The following NREP variants were observed in gnomAD, a reference collection of about 807,000 sequenced individuals.
NREP encodes the protein neuronal regeneration-related protein.
NREP carries 5 observed loss-of-function variants against 8.6 expected under a neutral mutation model. That is an observed-to-expected ratio of 0.58 (90% confidence interval 0.30 to 1.22). NREP has a LOEUF of 1.22. Ranked by LOEUF, NREP falls within the 50% of genes most tolerant of loss-of-function variation. The probability of loss-of-function intolerance (pLI) is 0.07; values close to 1 mark genes in which losing one functional copy is unlikely to be tolerated. For missense variants in NREP, 86 were observed against 82.5 expected (o/e 1.04, Z -0.17); for synonymous variants, 27 against 28.0 (o/e 0.96, Z 0.11).
intron 2 of NREP, among the ~76,000 whole-genome samples, chr5:111,873,306 C>T (rs532334288): frequency 6.6e-6 from 1 of 152,182 alleles, no homozygotes; most frequent in South Asian, 2.1e-4. Context: ...TAATAAATTA[C>T]CATAAACTTA....
intron 2 of NREP, among the ~76,000 whole-genome samples, chr5:111,918,140 C>A (rs1479423107): frequency 6.6e-6 from 1 of 152,094 alleles, no homozygotes; most frequent in Non-Finnish European, 1.5e-5. Context: ...CCTAGGAATA[C>A]AACTTACAAG....
intron 2 of NREP, among the ~76,000 whole-genome samples, chr5:111,882,554 GA>G (rs905079993): frequency 1.6e-4 from 24 of 152,070 alleles, no homozygotes; most frequent in African/African-American, 5.8e-4. Flanking sequence ...TGAAATGAAG[GA>G]AAAAATGTTA....
chr5:111,761,645 C>T (rs981997791), upstream of NREP, among the ~76,000 whole-genome samples: 1 of 152,206 alleles, frequency 6.6e-6, no homozygotes, highest in Non-Finnish European at 1.5e-5. Context: ...TTGTTGATCG[C>T]ATATGTAACA....
At chr5:111,965,357 C>T (rs1756614402) in intron 2 of NREP, among the ~76,000 whole-genome samples, 1 of 152,034 alleles carries the variant, frequency 6.6e-6, no homozygotes, top group South Asian at 2.1e-4. Context: ...GAAGAGAGGC[C>T]CCTTCCCTGA....
At chr5:111,891,420 T>A (rs1708583881) in intron 2 of NREP, among the ~76,000 whole-genome samples, 1 of 152,226 alleles carries the variant, frequency 6.6e-6, no homozygotes, top group Admixed American at 6.5e-5. Context: ...TCTGCCTGTC[T>A]TCTTCTGAGT....
At chr5:111,817,351 A>G (rs1335148516) in intron 2 of NREP, among the ~76,000 whole-genome samples, 2 of 152,196 alleles carry the variant, frequency 1.3e-5, no homozygotes, top group Non-Finnish European at 2.9e-5. Flanking sequence ...CTCATTCTCA[A>G]TACCAGTGGG....
intron 2 of NREP, among the ~76,000 whole-genome samples, chr5:111,778,875 T>C (rs1248001079): frequency 1.3e-5 from 2 of 152,162 alleles, no homozygotes; most frequent in East Asian, 3.9e-4. Flanking sequence ...TTAAGCAAGT[T>C]CTTTGGTTAC....
chr5:111,778,511 A>T (rs1240385643), intron 2 of NREP, among the ~76,000 whole-genome samples: 1 of 152,120 alleles, frequency 6.6e-6, no homozygotes, highest in South Asian at 2.1e-4. Context: ...CAGTAGTATG[A>T]ATTCCTTATA....
In NREP at chr5:111,905,653, T is replaced by C. The variant is rs1176204736; in HGVS notation, c.135+69621A>G. On this transcript the variant is annotated intron_variant, in intron 2 of 3. Coordinates refer to the NREP transcript ENST00000395634. Reference sequence around the variant, plus strand: ...GCAAAGTTCAAATCGAAAGAGAACTTTATGATTCAATGTTTTAGTGCTGTT... The same window carrying C: ...GCAAAGTTCAAATCGAAAGAGAACTCTATGATTCAATGTTTTAGTGCTGTT... Among the ~76,000 whole-genome samples the C allele has an allele frequency of 2.0e-5, 3 of 152,196 alleles. No individual in the cohort carries two copies. The East Asian group carries it at 5.8e-4, about 29-fold the overall frequency.
intron 2 of NREP, among the ~76,000 whole-genome samples, chr5:111,800,269 T>C (rs189095054): frequency 2.0e-5 from 3 of 152,290 alleles, no homozygotes; most frequent in Non-Finnish European, 2.9e-5. Flanking sequence ...AGAAAACTTA[T>C]TGGCATTTTC....
chr5:111,763,370 G>A (rs1487011814), intron 2 of NREP, among the ~76,000 whole-genome samples: 2 of 152,174 alleles, frequency 1.3e-5, no homozygotes, highest in Non-Finnish European at 2.9e-5. Context: ...TATAAAATAT[G>A]ATGAACAGAG....
At chr5:111,884,932 C>T (rs1308841741) in intron 2 of NREP, among the ~76,000 whole-genome samples, 7 of 152,114 alleles carry the variant, frequency 4.6e-5, no homozygotes, top group South Asian at 4.1e-4. Context: ...GGATGCCCTC[C>T]CTTGCCACTC....
Position 111,883,556 on chromosome 5 carries a change from T to A in NREP, c.135+91718A>T, listed in dbSNP as rs1754146647. On this transcript the variant is annotated intron_variant, in intron 2 of 3. Transcript: ENST00000395634. The stretch of plus-strand genomic sequence containing the variant: ...CACCACACCACACCTATTCCAAAAT[T>A]GACCACATACTTGGAAGTAAAGCCC... Among the ~76,000 whole-genome samples, 3 of 152,190 alleles carry A rather than the reference T, an allele frequency of 2.0e-5. No individual in the cohort carries two copies. In the South Asian group the frequency reaches 6.2e-4, roughly 31 times the overall value.
chr5:111,964,617 G>T (rs1313265393), intron 2 of NREP, among the ~76,000 whole-genome samples: 3 of 151,982 alleles, frequency 2.0e-5, no homozygotes, highest in Non-Finnish European at 4.4e-5. Context: ...TGATCCACCT[G>T]CCTCAGCCTC....
intron 2 of NREP, among the ~76,000 whole-genome samples, chr5:111,784,515 C>T (rs925784202): frequency 1.3e-5 from 2 of 152,160 alleles, no homozygotes; most frequent in Non-Finnish European, 1.5e-5. Flanking sequence ...TTATAATGCA[C>T]GTTTCTCAAA....
chr5:111,813,423 G>C (rs907695601), intron 2 of NREP, among the ~76,000 whole-genome samples: 4 of 152,058 alleles, frequency 2.6e-5, no homozygotes, highest in African/African-American at 9.7e-5. Context: ...TAGTAATCAT[G>C]CATATAAAGG....
intron 2 of NREP, among the ~76,000 whole-genome samples, chr5:111,966,956 A>G (rs1260521132): frequency 6.6e-6 from 1 of 152,216 alleles, no homozygotes; most frequent in African/African-American, 2.4e-5. Flanking sequence ...GAAAGGGTCT[A>G]GGCCAGTGCT....
chr5:111,846,533 C>G (rs1381065752), intron 2 of NREP: 1 of 144,896 alleles, frequency 6.9e-6, no homozygotes, highest in African/African-American at 2.5e-5. Context: ...CTCTTGGGCT[C>G]TTCCTTTACT....
intron 2 of NREP, among the ~76,000 whole-genome samples, chr5:111,735,843 A>G (rs536644927): frequency 9.2e-5 from 14 of 152,366 alleles, no homozygotes; most frequent in Middle Eastern, 3.4e-3. Flanking sequence ...AAAGGATTCT[A>G]TAAGTATCCT....
Sources: allele counts gnomAD v4.1 joint callset (sites outside exome capture counted in the v4.1 genomes callset), GRCh38; gene constraint gnomAD v4.1.1; transcripts MANE v1.5; gene names NCBI Gene and HGNC (gene_info 2026-07-23, HGNC 2026-07-21).